Variants in SRCAP observed in about 807,000 individuals in gnomAD.
The protein encoded by SRCAP is Snf2 related CREBBP activator protein.
Under a neutral mutation model 263.1 loss-of-function variants are expected in SRCAP, and 46 were observed. The ratio of observed to expected loss-of-function variants is 0.17; its 90% CI spans 0.14 to 0.22. SRCAP has a LOEUF of 0.22. SRCAP is among the 10% of genes least tolerant of loss of function. SRCAP has a pLI of 1.00. For synonymous variants in SRCAP, 1,813 were observed against 1,662.1 expected, an observed-to-expected ratio of 1.09 and a Z score of -2.21; for missense variants, 3,695 against 4,181.9, an observed-to-expected ratio of 0.88 and a Z score of 3.21.
At chr16:30,719,524 T>C (rs2151292053) in intron 18 of SRCAP, among the ~76,000 whole-genome samples, 1 of 152,022 alleles carries the variant, frequency 6.6e-6, no homozygotes, top group Admixed American at 6.5e-5. Context: ...CTTTTTTTTT[T>C]TAATTTTGAG....
intron 18 of SRCAP, 56 bp downstream of exon 18, chr16:30,716,535 T>C (rs959087538): frequency 9.3e-6 from 14 of 1,504,730 alleles, no homozygotes; most frequent in African/African-American, 7.0e-5. Context: ...ACTCCAACCA[T>C]GTACCTCTTT....
intron 13 of SRCAP, 25 bp from the exon 14 acceptor site, chr16:30,712,654 C>T: frequency 6.2e-7 from 1 of 1,613,584 alleles, no homozygotes; most frequent in Non-Finnish European, 8.5e-7. Flanking sequence ...ATTTCCTTAC[C>T]ATCTCTGATT....
chr16:30,714,385 A>G (rs1025276589), intron 16 of SRCAP, among the ~76,000 whole-genome samples: 6 of 147,240 alleles, frequency 4.1e-5, no homozygotes, highest in Admixed American at 6.8e-5. Context: ...AATTTTTTGT[A>G]TTTTTAGTAG....
intron 9 of SRCAP, 57 bp from the exon 10 acceptor site, chr16:30,710,942 T>C (rs1443417307): frequency 6.3e-7 from 1 of 1,596,204 alleles, no homozygotes. Flanking sequence ...TCATTTGGAC[T>C]GTGTCCTGTG....
chr16:30,709,388 T>C, intron 6 of SRCAP, 125 bp from the exon 7 acceptor site: 1 of 938,346 alleles, frequency 1.1e-6, no homozygotes, highest in Non-Finnish European at 1.6e-6. Flanking sequence ...CCTAAGGTTA[T>C]TTAGTTTTAC....
In SRCAP at chr16:30,729,030, G is replaced by C. The variant is rs2053089020; in HGVS notation, c.5723G>C (p.Ser1908Thr). Residue 1908 changes from serine to threonine, a missense_variant, in exon 26 of 34, where the codon AGT becomes ACT. By Grantham distance (58) the Ser-to-Thr change is moderately conservative. Coordinates refer to ENST00000262518, the MANE Select transcript of SRCAP (RefSeq NM_006662.3). ...SERLERIFQL[S>T]EAHGALAPVY... is the part of the protein sequence containing the mutation. ...CGCCTGGAACGGATTTTCCAACTTA[G>C]TGAGGCTCATGGGGCCCTGGCACCT... 4 of 1,614,150 alleles carry C rather than the reference G, an allele frequency of 2.5e-6. No individual in the cohort carries two copies. The highest frequency in any genetic ancestry group is 3.4e-6 in the Non-Finnish European group (4 of 1,180,018).
Position 30,724,424 on chromosome 16 carries a change from C to G in SRCAP, c.5000C>G (p.Pro1667Arg). The G allele has an allele frequency of 1.2e-6, 2 of 1,614,208 alleles. No individual in the cohort carries two copies. The highest frequency in any genetic ancestry group is 1.7e-6 in the Non-Finnish European group (2 of 1,180,030). The change falls in exon 25 of 34, where the codon CCG (proline) becomes CGG (arginine). Residue 1667 changes from proline (P) to arginine (R), a missense_variant. Physicochemically the swap from Pro to Arg is moderately radical, Grantham distance 103. Coordinates refer to ENST00000262518, the MANE Select transcript of SRCAP (RefSeq NM_006662.3). Reference protein sequence around the residue: ...PSSTQTMLPAPVPSPLPSPAS... With the variant: ...PSSTQTMLPARVPSPLPSPAS... ...TCAACTCAAACTATGCTACCAGCCC[C>G]GGTTCCGTCACCTCTCCCGAGCCCG... is the stretch of plus-strand genomic sequence containing the variant.
chr16:30,710,490 A>G (rs747815056), intron 8 of SRCAP: 4 of 738,282 alleles, frequency 5.4e-6, no homozygotes, highest in East Asian at 2.6e-5. Context: ...CTGTTTCTCC[A>G]TATGTCTCAA....
Position 30,716,436 on chromosome 16 carries a change from C to T in SRCAP, c.2774C>T (p.Thr925Ile), listed in dbSNP as rs202065257. 1.7e-4 allele frequency: 276 copies of T among 1,614,232 alleles called. No individual in the cohort carries two copies. Among genetic ancestry groups the T allele is most frequent in the Non-Finnish European group, 2.2e-4 (261 of 1,180,042 alleles). The change falls in exon 18 of 34, where the codon ACC becomes ATC. Residue 925 changes from threonine to isoleucine, a missense_variant. Physicochemically the swap from Thr to Ile is moderately conservative, Grantham distance 89 (BLOSUM62 -1). Transcript: ENST00000262518. ...PFITPGICFS[T>I]ASLVLRATDV... ...ATCACCCCAGGCATCTGCTTCAGCA[C>T]CGCCTCTCTGGTGCTAAGGGCCACG... is the stretch of plus-strand genomic sequence containing the variant.
chr16:30,714,360 G>A (rs1316791408), intron 16 of SRCAP, among the ~76,000 whole-genome samples: 1 of 151,074 alleles, frequency 6.6e-6, no homozygotes, highest in Non-Finnish European at 1.5e-5. Flanking sequence ...CACCGCGCCC[G>A]GCCTACGCCC....
chr16:30,725,435 A>T (rs764634138), intron 25 of SRCAP: 15 of 219,470 alleles, frequency 6.8e-5, no homozygotes, highest in Non-Finnish European at 1.3e-4. Flanking sequence ...ATATAGGCCC[A>T]TGTCTGTGTA....
Position 30,724,731 on chromosome 16 carries a change from T to C in SRCAP, c.5307T>C (p.Thr1769=). The C allele has an allele frequency of 3.7e-6, 6 of 1,614,066 alleles. No homozygotes were observed. Among genetic ancestry groups the C allele is most frequent in the Non-Finnish European group, 5.1e-6 (6 of 1,179,992 alleles). Residue 1769 remains threonine (T), a synonymous_variant, in exon 25 of 34, where the codon ACT becomes ACC. Transcript: ENST00000262518. The stretch of plus-strand genomic sequence containing the variant: ...GCCCAGCCCCAGCTCACACGCTGAC[T>C]TTGGCTCCAGCATCGTCATCTGCTT... The part of the protein sequence containing the change: ...PVGPAPAHTL[T]LAPASSSASL...
chr16:30,733,718 C>T lies in SRCAP; in HGVS notation c.6414C>T (p.Ser2138=), dbSNP rs1205218223. 4 of 1,614,020 alleles carry T rather than the reference C, an allele frequency of 2.5e-6. No homozygotes were observed. The highest frequency in any genetic ancestry group is 2.7e-5 in the African/African-American group (2 of 74,906). The change falls in exon 29 of 34, where the codon AGC becomes AGT. Residue 2138 remains serine, a synonymous_variant. Transcript: ENST00000262518. The surrounding 1 kb of genome is among the most constrained non-coding windows in gnomAD (Gnocchi z 5.3). ...TGADTVVFYD[S]DWNPTMDAQA... ...CAGACACTGTTGTTTTTTATGACAG[C>T]GACTGGAATCCCACCATGGATGCTC...
chr16:30,702,705 C>T (rs946597748), intron 3 of SRCAP, among the ~76,000 whole-genome samples: 9 of 148,630 alleles, frequency 6.1e-5, no homozygotes, highest in Non-Finnish European at 1.3e-4. Context: ...CCTCCTGGTT[C>T]AAGCAATTCT....
chr16:30,706,004 A>G (rs1175713374), intron 4 of SRCAP, among the ~76,000 whole-genome samples: 2 of 152,122 alleles, frequency 1.3e-5, no homozygotes, highest in Admixed American at 6.5e-5. Context: ...CCTGTTTCTA[A>G]AAGTCCTCCA....
rs138452530 is a variant in SRCAP at position 30,712,580 on chromosome 16, A to T, written c.1994-99A>T. On this transcript the variant is annotated intron_variant, in intron 13 of 33. Transcript: ENST00000262518. ...TAGAGAGGACAGTGTAGGTGCTAGG[A>T]TTCCTAGGAAGGGCCAAAGGGTGGC... The T allele has an allele frequency of 7.9e-5, 124 of 1,565,296 alleles. 2 individuals carry two copies. The African/African-American group carries it at 1.3e-3, about 16-fold the overall frequency.
In SRCAP at chr16:30,739,802, A is replaced by ACC; in HGVS notation, c.*70_*71dup. The ACC allele has an allele frequency of 7.0e-7, 1 of 1,434,092 alleles. No individual in the cohort carries two copies. Among genetic ancestry groups the ACC allele is most frequent in the Non-Finnish European group, 9.2e-7 (1 of 1,090,780 alleles). The allele number at this position is 1,434,092 out of a possible 1,614,324, so 88.8% of individuals were successfully genotyped here. The stretch of plus-strand genomic sequence containing the variant: ...TCCATGACCAGGCCTGACTCTGTTA[A>ACC]CCACTACTTGAAGTCTTGAGGGGGA... On this transcript the variant is annotated 3_prime_UTR_variant, in exon 34 of 34. Coordinates refer to ENST00000262518, the MANE Select transcript of SRCAP (RefSeq NM_006662.3).
intron 27 of SRCAP, among the ~76,000 whole-genome samples, chr16:30,730,777 C>T (rs919110594): frequency 3.6e-4 from 54 of 149,178 alleles, no homozygotes; most frequent in African/African-American, 1.3e-3. Flanking sequence ...AAGGTATTCT[C>T]CTGCCTCAGC....
Position 30,707,832 on chromosome 16 carries a change from G to A in SRCAP, c.633+120G>A, listed in dbSNP as rs574895830. The A allele has an allele frequency of 2.0e-5, 26 of 1,308,362 alleles. No individual in the cohort carries two copies. The East Asian group carries it at 4.2e-4, about 21-fold the overall frequency. 81.0% of individuals were successfully genotyped at this position (1,308,362 alleles called of 1,614,324 possible). A position where few individuals can be genotyped will look rare whatever the true frequency, so the allele number is the denominator to read the frequency against. ...TATAATTTCAGGCAACTCTAATGAC[G>A]TTTATGTTGTATGGATAAAAAAGTA... On this transcript the variant is annotated intron_variant, in intron 6 of 33. Coordinates refer to ENST00000262518, the MANE Select transcript of SRCAP (RefSeq NM_006662.3).
Sources: gnomAD v4.1 joint callset for allele counts (sites outside exome capture counted in the v4.1 genomes callset) on GRCh38, gnomAD v4.1.1 for gene constraint, Gnocchi (gnomAD v3.1) non-coding constraint, MANE v1.5 for transcripts, NCBI Gene and HGNC (gene_info 2026-07-23, HGNC 2026-07-21) for gene names.